ZFP62: variants seen among roughly 807,000 people sequenced by gnomAD.
The protein encoded by ZFP62 is zinc finger protein 62 homolog.
Under a neutral mutation model 56.4 loss-of-function variants are expected in ZFP62, and 44 were observed. That is an observed-to-expected ratio of 0.78 (90% CI 0.61 to 1.00). ZFP62 has a LOEUF of 1.00. Ranked by LOEUF, ZFP62 falls within the 50% of genes least tolerant of loss-of-function variation. The pLI is 0.00. For missense variants in ZFP62, 1,030 were observed against 1,085.7 expected (o/e 0.95, Z 0.72); for synonymous variants, 421 against 388.9 (o/e 1.08, Z -0.97).
Position 180,849,506 on chromosome 5 carries a change from A to G in ZFP62, c.1989T>C (p.His663=), listed in dbSNP as rs1773563530. The change falls in exon 2 of 2, where the codon CAT becomes CAC. Residue 663 remains histidine, a synonymous_variant. Coordinates refer to ENST00000502412, the MANE Select transcript of ZFP62 (RefSeq NM_001172638.2). The part of the protein sequence containing the change: ...VFRNNSSLKV[H]KRIHTGERPY... The stretch of plus-strand genomic sequence containing the variant: ...GCCTCTCCCCAGTATGGATTCTTTT[A>G]TGAACTTTAAGGCTTGAGTTGTTTC... The G allele has an allele frequency of 1.3e-6, 2 of 1,551,760 alleles. No homozygotes were observed. Among genetic ancestry groups the G allele is most frequent in the Non-Finnish European group, 1.7e-6 (2 of 1,147,020 alleles).
chr5:180,857,706 A>C (rs1774063448), intron 1 of ZFP62, among the ~76,000 whole-genome samples: 1 of 151,954 alleles, frequency 6.6e-6, no homozygotes, highest in South Asian at 2.1e-4. Context: ...CCATGTTGGC[A>C]GGCCTGTCTC....
chr5:180,856,685 T>G (rs1306594160), intron 1 of ZFP62, among the ~76,000 whole-genome samples: 3 of 152,036 alleles, frequency 2.0e-5, no homozygotes, highest in Non-Finnish European at 4.4e-5. Context: ...CCGGGCATGG[T>G]GGTTCACGCC....
In ZFP62 at chr5:180,851,082, T is replaced by C. The variant is rs762513973; in HGVS notation, c.413A>G (p.Lys138Arg). Residue 138 changes from lysine to arginine, a missense_variant, in exon 2 of 2, where the codon AAG becomes AGG. Lys to Arg is a conservative substitution (Grantham distance 26, BLOSUM62 2). Transcript: ENST00000502412. ...ACATTCATCACATTTATGTAATTTC[T>C]TAACAGCATTGGTTTTCTGCTGTAG... ...PSLQQKTNAVKKLHKCDECGK... is the reference protein window; with the variant it reads ...PSLQQKTNAVRKLHKCDECGK... 159 of 1,551,624 alleles carry C rather than the reference T, an allele frequency of 1.0e-4. No individual in the cohort carries two copies. Among genetic ancestry groups the C allele is most frequent in the Non-Finnish European group, 2.5e-5 (29 of 1,147,010 alleles).
At position 180,850,930 on chromosome 5, in the gene ZFP62, G is replaced by A. The variant is rs1295857103; in HGVS notation, c.565C>T (p.Arg189Trp). ...TACGGCTTCTCCCCAGTGTGGATCC[G>A]TTTGTGGACCCGAAGGCTCGAGCTG... ...RSSSSLRVHK[R>W]IHTGEKPYKC... The change falls in exon 2 of 2, where the codon CGG (arginine) becomes TGG (tryptophan). Residue 189 changes from arginine to tryptophan, a missense_variant. Physicochemically the swap from Arg to Trp is moderately radical, Grantham distance 101 (BLOSUM62 -3). Coordinates refer to ENST00000502412, the MANE Select transcript of ZFP62 (RefSeq NM_001172638.2). 3.2e-6 allele frequency: 5 copies of A among 1,560,786 alleles called. No homozygotes were observed. Among genetic ancestry groups the A allele is most frequent in the African/African-American group, 1.4e-5 (1 of 72,974 alleles).
chr5:180,846,590 T>G (rs1055560378), downstream of ZFP62, among the ~76,000 whole-genome samples: 1 of 144,036 alleles, frequency 6.9e-6, no homozygotes. Context: ...TAGCTGCCTT[T>G]ACTCAGGTCA....
the ZFP62 span, chr5:180,834,937 GCTCTCTCT>G: frequency 6.6e-6 from 1 of 151,804 alleles, no homozygotes; most frequent in Non-Finnish European, 1.5e-5. Context: ...ACAAAAGCTT[GCTCTCTCT>G]CTCTGCCATG....
chr5:180,857,966 C>A (rs983653898), intron 1 of ZFP62, among the ~76,000 whole-genome samples: 5 of 151,564 alleles, frequency 3.3e-5, no homozygotes, highest in African/African-American at 1.2e-4. Context: ...AAGAAAAAAA[C>A]TTTAGGCCGG....
At chr5:180,831,741 C>G in the ZFP62 span, 1 of 152,984 alleles carries the variant, frequency 6.5e-6, no homozygotes, top group East Asian at 1.9e-4. Flanking sequence ...CGCAGGGCAC[C>G]TTCCTCCTCT....
rs915026050 is a variant in ZFP62, at chr5:180,850,076, C to G, written c.1419G>C (p.Gly473=). Residue 473 remains glycine, a synonymous_variant, in exon 2 of 2, where the codon GGG becomes GGC. Coordinates refer to ENST00000502412, the MANE Select transcript of ZFP62 (RefSeq NM_001172638.2). ...GLKVHRRLHT[G]EKPYKCDVCG... ...ACACATCACACTTATATGGTTTTTC[C>G]CCAGTATGGAGCCTCCTGTGGACTT... The G allele has an allele frequency of 6.4e-6, 10 of 1,551,584 alleles. No individual in the cohort carries two copies. Among genetic ancestry groups the G allele is most frequent in the South Asian group, 5.9e-5 (5 of 84,052 alleles).
At chr5:180,843,749 T>C (rs1165949757), downstream of ZFP62, among the ~76,000 whole-genome samples, 1 of 152,222 alleles carries the variant, frequency 6.6e-6, no homozygotes, top group East Asian at 1.9e-4. Flanking sequence ...AGAGAAGATA[T>C]GAACAACGTA....
chr5:180,839,487 TCC>T, the ZFP62 span, among the ~76,000 whole-genome samples: 20 of 152,288 alleles, frequency 1.3e-4, no homozygotes, highest in African/African-American at 4.8e-4. Context: ...GAGGCCATTA[TCC>T]TAAGAGAACT....
chr5:180,851,958 C>A, intron 1 of ZFP62: 1 of 934,592 alleles, frequency 1.1e-6, no homozygotes, highest in African/African-American at 1.8e-5. Flanking sequence ...CAGCAGAGGA[C>A]AGACAAAACT....
the ZFP62 span, among the ~76,000 whole-genome samples, chr5:180,836,679 G>A: frequency 2.0e-5 from 3 of 152,200 alleles, no homozygotes; most frequent in African/African-American, 4.8e-5. Flanking sequence ...CCTACATGGC[G>A]AAACCAGTCT....
chr5:180,857,348 A>C (rs1482033545), intron 1 of ZFP62, among the ~76,000 whole-genome samples: 1 of 152,134 alleles, frequency 6.6e-6, no homozygotes, highest in Non-Finnish European at 1.5e-5. Context: ...CATTCCTTTA[A>C]AAGTGTAAAA....
intron 1 of ZFP62, among the ~76,000 whole-genome samples, chr5:180,854,258 G>C (rs1448996480): frequency 6.6e-6 from 1 of 152,166 alleles, no homozygotes; most frequent in East Asian, 1.9e-4. Context: ...GGGACACGCT[G>C]CAAGACCCAG....
intron 1 of ZFP62, among the ~76,000 whole-genome samples, chr5:180,860,027 A>G (rs112523688): frequency 2.0e-5 from 3 of 152,354 alleles, no homozygotes; most frequent in African/African-American, 7.2e-5. Flanking sequence ...ACAATGGCCC[A>G]TCCAATACTT....
chr5:180,840,083 C>T, the ZFP62 span, among the ~76,000 whole-genome samples: 53 of 152,306 alleles, frequency 3.5e-4, 1 homozygote, highest in East Asian at 0.01. Context: ...CTGAGGATCC[C>T]CAGGTGGAGG....
rs935045161 is a variant in ZFP62 at position 180,849,327 on chromosome 5, T to C, written c.2168A>G (p.His723Arg). Residue 723 changes from histidine to arginine, a missense_variant, in exon 2 of 2, where the codon CAT becomes CGT. By Grantham distance (29) the His-to-Arg change is conservative (BLOSUM62 0). Coordinates refer to ENST00000502412, the MANE Select transcript of ZFP62 (RefSeq NM_001172638.2). Reference sequence around the variant, plus strand: ...ACACTTGAAGGGTTTCTCCCCAAGATGGACTCTTTTATGGCTTATAAGAGT... The same window carrying C: ...ACACTTGAAGGGTTTCTCCCCAAGACGGACTCTTTTATGGCTTATAAGAGT... ...SRTLISHKRVHLGEKPFKCVE... is the reference protein window; with the variant it reads ...SRTLISHKRVRLGEKPFKCVE... 5.2e-6 allele frequency: 8 copies of C among 1,552,164 alleles called. No individual in the cohort carries two copies. The highest frequency in any genetic ancestry group is 7.0e-6 in the Non-Finnish European group (8 of 1,147,102).
intron 1 of ZFP62, among the ~76,000 whole-genome samples, chr5:180,854,139 G>T (rs755313113): frequency 5.9e-5 from 9 of 152,072 alleles, no homozygotes; most frequent in Non-Finnish European, 1.2e-4. Flanking sequence ...TTTACTAAAA[G>T]GAACCAGAGC....
Sources: gnomAD v4.1 joint callset for allele counts (sites outside exome capture counted in the v4.1 genomes callset) on GRCh38, gnomAD v4.1.1 for gene constraint, MANE v1.5 for transcripts, NCBI Gene and HGNC (gene_info 2026-07-23, HGNC 2026-07-21) for gene names.